The following ACAP2 variants were observed in gnomAD, a reference collection of about 807,000 sequenced individuals.
ACAP2 encodes ArfGAP with coiled-coil, ankyrin repeat and PH domains 2.
A neutral mutation model predicts 115.8 loss-of-function variants in ACAP2; 39 were observed. That is an observed-to-expected ratio of 0.34 (90% confidence interval 0.26 to 0.44). The LOEUF (loss-of-function observed/expected upper bound fraction) is 0.44, where lower values mean the gene tolerates loss of function less well. Among genes scored for constraint, ACAP2 ranks in the 20% least tolerant of loss-of-function variants. ACAP2 has a pLI of 1.00. For missense variants in ACAP2, 662 were observed against 927.6 expected, an observed-to-expected ratio of 0.71 and a Z score of 3.72; for synonymous variants, 289 against 315.8, an observed-to-expected ratio of 0.92 and a Z score of 0.90.
rs555590037 is a variant in ACAP2, at chr3:195,277,159, A to C, written c.*2169T>G. On this transcript the variant is annotated 3_prime_UTR_variant, in exon 23 of 23. Coordinates refer to ENST00000326793, the MANE Select transcript of ACAP2 (RefSeq NM_012287.6). ...CAGATCCAAAAGGAAAACTACCTAG[A>C]CTTCCTCAGATAAAAGTCAGGATCT... is the stretch of plus-strand genomic sequence containing the variant. The C allele has an allele frequency of 1.3e-5, 2 of 152,334 alleles. No individual in the cohort carries two copies. The highest frequency in any genetic ancestry group is 4.8e-5 in the African/African-American group (2 of 41,564). The allele number at this position is 152,334 out of a possible 1,614,324, so 9.4% of individuals were successfully genotyped here. A position where few individuals can be genotyped will look rare whatever the true frequency, so the allele number is the denominator to read the frequency against.
At chr3:195,392,192 G>A in intron 1 of ACAP2, 45 bp from the exon 2 acceptor site, 1 of 1,469,482 alleles carries the variant, frequency 6.8e-7, no homozygotes, top group Non-Finnish European at 9.4e-7. Context: ...TTGTTTAAAT[G>A]TACACTTTAC....
chr3:195,397,869 C>T (rs1711934996), intron 1 of ACAP2, among the ~76,000 whole-genome samples: 1 of 152,020 alleles, frequency 6.6e-6, no homozygotes, highest in African/African-American at 2.4e-5. Flanking sequence ...GAGAAGAAAG[C>T]AGTAATAAGA....
Position 195,327,042 on chromosome 3 carries a change from G to A in ACAP2, c.670-83C>T. The A allele has an allele frequency of 1.6e-6, 2 of 1,227,048 alleles. 1 individual carries two copies. Among genetic ancestry groups the A allele is most frequent in the South Asian group, 2.8e-5 (2 of 71,654 alleles). 76.0% of individuals were successfully genotyped at this position (1,227,048 alleles called of 1,614,324 possible). ...AAACCATATTCCAAATCATTTCACA[G>A]ATAAATAAAAAATCACTCAATTTAA... On this transcript the variant is annotated intron_variant, in intron 8 of 22. Transcript: ENST00000326793.
intron 16 of ACAP2, among the ~76,000 whole-genome samples, chr3:195,296,750 G>A (rs1174415079): frequency 6.6e-6 from 1 of 152,116 alleles, no homozygotes; most frequent in Non-Finnish European, 1.5e-5. Flanking sequence ...TGCATCTTTA[G>A]TTCTTCAATA....
intron 10 of ACAP2, among the ~76,000 whole-genome samples, chr3:195,315,886 G>A (rs1729056785): frequency 6.6e-6 from 1 of 152,102 alleles, no homozygotes; most frequent in Non-Finnish European, 1.5e-5. Context: ...TAATCATAAT[G>A]AAAAGGTTCA....
At chr3:195,369,235 T>C (rs1284313571) in intron 4 of ACAP2, among the ~76,000 whole-genome samples, 1 of 152,218 alleles carries the variant, frequency 6.6e-6, no homozygotes, top group Non-Finnish European at 1.5e-5. Context: ...CTGACTAAAA[T>C]GAATTATTGT....
At chr3:195,385,484 GC>G (rs1734242215) in intron 2 of ACAP2, among the ~76,000 whole-genome samples, 1 of 151,800 alleles carries the variant, frequency 6.6e-6, no homozygotes, top group South Asian at 2.1e-4. Context: ...GAGGTAAGGG[GC>G]TTGGAACTGC....
intron 16 of ACAP2, among the ~76,000 whole-genome samples, chr3:195,296,526 G>C (rs1033447480): frequency 6.6e-6 from 1 of 152,128 alleles, no homozygotes; most frequent in African/African-American, 2.4e-5. Flanking sequence ...TTAAGATTCT[G>C]ATTTAAATGG....
Position 195,442,823 on chromosome 3 carries a change from C to G in ACAP2, c.25G>C (p.Glu9Gln). The G allele has an allele frequency of 1.3e-6, 2 of 1,530,032 alleles. No homozygotes were observed. The highest frequency in any genetic ancestry group is 1.8e-6 in the Non-Finnish European group (2 of 1,138,608). The allele number at this position is 1,530,032 out of a possible 1,614,324, so 94.8% of individuals were successfully genotyped here. A position where few individuals can be genotyped will look rare whatever the true frequency, so the allele number is the denominator to read the frequency against. ...AAGCGGGGCGAGTCCTTCAGACACT[C>G]CTCGAAATCCACAGTCATCTTCATC... MKMTVDFE[E>Q]CLKDSPRFRA... Residue 9 changes from glutamate (E) to glutamine (Q), a missense_variant, in exon 1 of 23, where the codon GAG (glutamate) becomes CAG (glutamine). Transcript: ENST00000326793.
At chr3:195,289,933 T>G (rs1727129942) in intron 20 of ACAP2, among the ~76,000 whole-genome samples, 1 of 152,006 alleles carries the variant, frequency 6.6e-6, no homozygotes, top group Non-Finnish European at 1.5e-5. Context: ...TTCATAATAA[T>G]AATACAACAG....
intron 20 of ACAP2, among the ~76,000 whole-genome samples, chr3:195,289,925 C>CATA (rs531285284): frequency 1.9e-3 from 284 of 151,978 alleles, no homozygotes; most frequent in African/African-American, 6.4e-3. Flanking sequence ...ATGTAAACTT[C>CATA]ATAATAATAA....
intron 4 of ACAP2, among the ~76,000 whole-genome samples, chr3:195,360,178 A>G (rs1049557519): frequency 6.6e-6 from 1 of 152,222 alleles, no homozygotes; most frequent in Non-Finnish European, 1.5e-5. Context: ...AAAGGAATGG[A>G]AAAAGATATT....
At chr3:195,402,181 G>C (rs965182109) in intron 1 of ACAP2, among the ~76,000 whole-genome samples, 3 of 152,162 alleles carry the variant, frequency 2.0e-5, no homozygotes, top group Non-Finnish European at 4.4e-5. Context: ...AGTTCAGCTA[G>C]TTACCAGGTA....
chr3:195,323,966 T>C (rs60491641), intron 9 of ACAP2, among the ~76,000 whole-genome samples: 1 of 152,344 alleles, frequency 6.6e-6, no homozygotes, highest in African/African-American at 2.4e-5. Context: ...GATACCCCGT[T>C]TTCCATGATG....
chr3:195,322,396 C>G (rs1171803695), intron 9 of ACAP2, among the ~76,000 whole-genome samples: 2 of 152,082 alleles, frequency 1.3e-5, no homozygotes, highest in East Asian at 3.9e-4. Flanking sequence ...AGAGGGACAA[C>G]CATCTAAGGG....
Position 195,383,057 on chromosome 3 carries a change from T to C in ACAP2, c.112-1035A>G, listed in dbSNP as rs1415351717. ...CCAAAAATATGTGACCATGGAATTCTTGTTAAGAGGAAGCATTATTATATG... is the reference window on the plus strand; with the variant it reads ...CCAAAAATATGTGACCATGGAATTCCTGTTAAGAGGAAGCATTATTATATG... On this transcript the variant is annotated intron_variant, in intron 2 of 22. Coordinates refer to ENST00000326793, the MANE Select transcript of ACAP2 (RefSeq NM_012287.6). Among the ~76,000 whole-genome samples, 4 of 152,184 alleles carry C rather than the reference T, an allele frequency of 2.6e-5. No individual in the cohort carries two copies. The South Asian group carries it at 6.2e-4, about 24-fold the overall frequency.
At chr3:195,387,022 A>G (rs1203978379) in intron 2 of ACAP2, among the ~76,000 whole-genome samples, 2 of 152,176 alleles carry the variant, frequency 1.3e-5, no homozygotes, top group Non-Finnish European at 2.9e-5. Context: ...AGAGGTCACC[A>G]TCACAGGAGT....
intron 18 of ACAP2, among the ~76,000 whole-genome samples, chr3:195,292,791 G>A (rs1727350790): frequency 6.6e-6 from 1 of 151,542 alleles, no homozygotes; most frequent in Admixed American, 6.6e-5. Context: ...GCATGGTAGC[G>A]GGCACCTGTA....
At chr3:195,285,605 G>A (rs1726793528) in intron 22 of ACAP2, 191 bp downstream of exon 22, 1 of 534,466 alleles carries the variant, frequency 1.9e-6, no homozygotes, top group Non-Finnish European at 3.3e-6. Context: ...AAAGGCCCGG[G>A]ATTAGCCACC....
Sources: allele counts gnomAD v4.1 joint callset (sites outside exome capture counted in the v4.1 genomes callset), GRCh38; gene constraint gnomAD v4.1.1; transcripts MANE v1.5; gene names NCBI Gene and HGNC (gene_info 2026-07-23, HGNC 2026-07-21).